The following ARHGAP8 variants were observed in gnomAD, a reference collection of about 807,000 sequenced individuals.
The protein encoded by ARHGAP8 is Rho GTPase activating protein 8, also known as rho GTPase-activating protein 8.
In ARHGAP8, 62 loss-of-function variants were observed where a neutral mutation model predicts 46.1. The ratio of observed to expected loss-of-function variants is 1.34; its 90% CI spans 1.10 to 1.66. The LOEUF (loss-of-function observed/expected upper bound fraction) is 1.66, where lower values mean the gene tolerates loss of function less well. Ranked by LOEUF, ARHGAP8 falls within the 40% of genes most tolerant of loss-of-function variation. The pLI is 0.00. For missense variants in ARHGAP8, 923 were observed against 568.4 expected (o/e 1.62, Z -6.34); for synonymous variants, 375 against 243.1 (o/e 1.54, Z -5.05).
In ARHGAP8 at chr22:44,833,398, A is replaced by T. The variant is rs183798029; in HGVS notation, c.596+7805A>T. Among the ~76,000 whole-genome samples, 991 of 152,028 alleles carry T rather than the reference A, an allele frequency of 6.5e-3. 12 individuals carry two copies. Among genetic ancestry groups the T allele is most frequent in the African/African-American group, 0.023 (954 of 41,500 alleles). On this transcript the variant is annotated intron_variant, in intron 7 of 11. Coordinates refer to ENST00000356099, the MANE Select transcript of ARHGAP8 (RefSeq NM_181335.3). Reference sequence around the variant, plus strand: ...TCATGTAAAGGTGTTAGGTTTTGTGAAATGCTTTTCATCGCCATTGAGATA... The same window carrying T: ...TCATGTAAAGGTGTTAGGTTTTGTGTAATGCTTTTCATCGCCATTGAGATA...
intron 1 of ARHGAP8, among the ~76,000 whole-genome samples, chr22:44,766,521 C>T (rs116307987): frequency 0.011 from 1,650 of 151,564 alleles, 107 homozygotes; most frequent in Admixed American, 0.095. Context: ...TGTCTGTGTG[C>T]GTGTGTCTGT....
At chr22:44,760,087 G>A (rs945725550) in intron 1 of ARHGAP8, among the ~76,000 whole-genome samples, 1 of 152,202 alleles carries the variant, frequency 6.6e-6, no homozygotes, top group African/African-American at 2.4e-5. Context: ...CCTGATGCAG[G>A]TCACAGTCAG....
intron 4 of ARHGAP8, chr22:44,809,751 G>A (rs1929206835): frequency 6.5e-6 from 1 of 153,222 alleles, no homozygotes; most frequent in Non-Finnish European, 1.5e-5. Flanking sequence ...GCGTTGATGT[G>A]GATATCCTAG....
In ARHGAP8 at chr22:44,846,011, G is replaced by GC. The variant is rs3216833; in HGVS notation, c.670+678dup. 7.3e-3 allele frequency among the ~76,000 whole-genome samples: 1,102 copies of GC among 151,302 alleles called. 5 individuals are homozygous for GC. The highest frequency in any genetic ancestry group is 0.021 in the African/African-American group (851 of 41,226). On this transcript the variant is annotated intron_variant, in intron 8 of 11. Coordinates refer to ENST00000356099, the MANE Select transcript of ARHGAP8 (RefSeq NM_181335.3). ...CGTGGGTGTCAGACAAGAAGTGAGT[G>GC]CCCCCCCCCATCCCCACCACCAAGG... is the stretch of plus-strand genomic sequence containing the variant.
At chr22:44,812,626 A>T (rs1054700452) in intron 4 of ARHGAP8, among the ~76,000 whole-genome samples, 2 of 152,000 alleles carry the variant, frequency 1.3e-5, no homozygotes, top group Non-Finnish European at 2.9e-5. Flanking sequence ...AAGAGTTGGG[A>T]TTACAGGTGT....
At chr22:44,796,051 AAGTC>A (rs1366938886) in intron 2 of ARHGAP8, among the ~76,000 whole-genome samples, 2 of 152,032 alleles carry the variant, frequency 1.3e-5, no homozygotes, top group Non-Finnish European at 2.9e-5. Context: ...TCAATAGAAA[AAGTC>A]AGACCTCAGT....
At chr22:44,785,092 C>T (rs1927119434) in intron 1 of ARHGAP8, among the ~76,000 whole-genome samples, 1 of 152,196 alleles carries the variant, frequency 6.6e-6, no homozygotes, top group African/African-American at 2.4e-5. Flanking sequence ...TGAGGCAGCC[C>T]TCAGGCCCCG....
chr22:44,806,379 G>C (rs1371264380), intron 3 of ARHGAP8, among the ~76,000 whole-genome samples: 1 of 152,210 alleles, frequency 6.6e-6, no homozygotes, highest in Non-Finnish European at 1.5e-5. Flanking sequence ...AGATGTGCGT[G>C]ATTTCTCTAC....
At chr22:44,860,639 AC>A (rs1250504425) in intron 11 of ARHGAP8, among the ~76,000 whole-genome samples, 1 of 16,112 alleles carries the variant, frequency 6.2e-5, no homozygotes, top group East Asian at 6.9e-3. Context: ...TCAATCTACT[AC>A]ACACCAGGCT....
chr22:44,786,210 C>T (rs1003516933), intron 1 of ARHGAP8: 19 of 592,018 alleles, frequency 3.2e-5, no homozygotes, highest in African/African-American at 2.6e-4. Context: ...AGTGGGTGCT[C>T]GACTGATGTA....
In ARHGAP8 at chr22:44,825,609, A is replaced by T. The variant is rs754706790; in HGVS notation, c.596+16A>T. The T allele has an allele frequency of 2.5e-6, 4 of 1,607,550 alleles. No homozygotes were observed. The highest frequency in any genetic ancestry group is 2.5e-6 in the Non-Finnish European group (3 of 1,176,948). ...GTCTGCAATAGTAAGTGAGCCGGGG[A>T]TGTGCCTGCTCCTATGCCCTGGAGC... On this transcript the variant is annotated intron_variant, in intron 7 of 11. Coordinates refer to ENST00000356099, the MANE Select transcript of ARHGAP8 (RefSeq NM_181335.3).
chr22:44,845,708 G>A (rs1006017207), intron 8 of ARHGAP8, among the ~76,000 whole-genome samples: 5 of 152,182 alleles, frequency 3.3e-5, no homozygotes, highest in African/African-American at 1.2e-4. Context: ...TCGAAATGGG[G>A]ACTCCTCTGA....
chr22:44,757,869 G>A (rs189549511), intron 1 of ARHGAP8, among the ~76,000 whole-genome samples: 39 of 148,420 alleles, frequency 2.6e-4, no homozygotes, highest in African/African-American at 9.5e-4. Flanking sequence ...GGCCAGGCTA[G>A]TTTCGAACTC....
chr22:44,794,058 C>G (rs1927901786), intron 2 of ARHGAP8, among the ~76,000 whole-genome samples: 2 of 152,202 alleles, frequency 1.3e-5, no homozygotes, highest in African/African-American at 4.8e-5. Flanking sequence ...GGCTGGGAGT[C>G]AGCCTCGGCC....
At chr22:44,761,738 G>A (rs990149794) in intron 1 of ARHGAP8, among the ~76,000 whole-genome samples, 29 of 152,310 alleles carry the variant, frequency 1.9e-4, no homozygotes, top group African/African-American at 6.5e-4. Context: ...TGCTGATAAA[G>A]ACACACCCGA....
In ARHGAP8 at chr22:44,848,999, G is replaced by T; in HGVS notation, c.816G>T (p.Leu272=). ...HIPAVILKTF[L]RELPQPLLTF... ...CTGCCGTGATCCTGAAGACCTTCCT[G>T]CGAGAGCTGCCCCAGCCGCTTCTGA... Residue 272 remains leucine, a synonymous_variant, in exon 10 of 12, where the codon CTG becomes CTT. Coordinates refer to ENST00000356099, the MANE Select transcript of ARHGAP8 (RefSeq NM_181335.3). 6.2e-7 allele frequency: 1 copy of T among 1,614,112 alleles called. No individual in the cohort carries two copies. Among genetic ancestry groups the T allele is most frequent in the Non-Finnish European group, 8.5e-7 (1 of 1,180,038 alleles).
chr22:44,862,247 C>T (rs1254499907), intron 11 of ARHGAP8, 28 bp from the exon 12 acceptor site: 2 of 1,564,070 alleles, frequency 1.3e-6, no homozygotes, highest in Non-Finnish European at 1.7e-6. Context: ...GTGTTCACTC[C>T]CCTTTACTTG....
At position 44,796,902 on chromosome 22, in the gene ARHGAP8, A is replaced by G. The variant is rs570066636; in HGVS notation, c.80-5175A>G. On this transcript the variant is annotated intron_variant, in intron 2 of 11. Transcript: ENST00000356099. Reference sequence around the variant, plus strand: ...TGTCAGATGCGTGGGTGGCCTTCTCATGGGGGTGCCCTCAACCTGTGAAGG... The same window carrying G: ...TGTCAGATGCGTGGGTGGCCTTCTCGTGGGGGTGCCCTCAACCTGTGAAGG... 2.0e-5 allele frequency among the ~76,000 whole-genome samples: 3 copies of G among 152,312 alleles called. No homozygotes were observed. In the South Asian group the frequency reaches 6.2e-4, roughly 32 times the overall value.
chr22:44,839,288 C>T (rs921828226), intron 7 of ARHGAP8, among the ~76,000 whole-genome samples: 67 of 152,188 alleles, frequency 4.4e-4, no homozygotes, highest in African/African-American at 1.4e-3. Flanking sequence ...CCTCAGGGCA[C>T]CTCGGGGAGC....
Sources: gnomAD v4.1 joint callset for allele counts (sites outside exome capture counted in the v4.1 genomes callset) on GRCh38, gnomAD v4.1.1 for gene constraint, MANE v1.5 for transcripts, NCBI Gene and HGNC (gene_info 2026-07-23, HGNC 2026-07-21) for gene names.